The following STPG2 variants were observed in gnomAD, a reference collection of about 807,000 sequenced individuals.
STPG2 encodes the protein sperm-tail PG-rich repeat-containing protein 2.
A neutral mutation model predicts 54.2 loss-of-function variants in STPG2; 56 were observed. That is an observed-to-expected ratio of 1.03 (90% CI 0.83 to 1.29). The LOEUF is 1.29. STPG2 is among the 50% of genes most tolerant of loss of function. The probability of loss-of-function intolerance (pLI) is 0.00; values close to 1 mark genes in which losing one functional copy is unlikely to be tolerated. For synonymous variants in STPG2, 200 were observed against 181.8 expected (o/e 1.10, Z -0.81); for missense variants, 596 against 544.9 (o/e 1.09, Z -0.93).
At chr4:97,904,832 C>T (rs1202823218) in intron 8 of STPG2, among the ~76,000 whole-genome samples, 2 of 152,112 alleles carry the variant, frequency 1.3e-5, no homozygotes, top group Non-Finnish European at 2.9e-5. Context: ...GAAGCCGATG[C>T]AATCAACTGG....
At chr4:97,934,041 G>A (rs927634069) in intron 8 of STPG2, among the ~76,000 whole-genome samples, 3 of 152,080 alleles carry the variant, frequency 2.0e-5, no homozygotes, top group Admixed American at 6.5e-5. Context: ...TTATTTTCTT[G>A]AGCAGTGGTT....
chr4:97,561,396 C>A (rs964989926), intron 10 of STPG2, among the ~76,000 whole-genome samples: 3 of 152,056 alleles, frequency 2.0e-5, no homozygotes, highest in Non-Finnish European at 4.4e-5. Context: ...ATTTTGTAGG[C>A]TGCCTGTTCA....
chr4:97,856,142 C>T lies in STPG2; in HGVS notation c.1045-15210G>A, dbSNP rs148132425. 2.6e-3 allele frequency among the ~76,000 whole-genome samples: 403 copies of T among 152,252 alleles called. 3 individuals are homozygous for T. Among genetic ancestry groups the T allele is most frequent in the African/African-American group, 8.9e-3 (369 of 41,560 alleles). The stretch of plus-strand genomic sequence containing the variant: ...TTCTTTCTGCTTAGGATTTTCTTGG[C>T]TATTTGACCTCTTTTTTGGTTCCGT... On this transcript the variant is annotated intron_variant, in intron 8 of 10. Coordinates refer to ENST00000295268, the MANE Select transcript of STPG2 (RefSeq NM_174952.3).
At chr4:97,795,517 G>A (rs533624435) in intron 9 of STPG2, among the ~76,000 whole-genome samples, 2 of 152,312 alleles carry the variant, frequency 1.3e-5, no homozygotes, top group Middle Eastern at 3.4e-3. Flanking sequence ...CCCTACAAAG[G>A]ACATGAACTC....
At chr4:97,800,152 T>C (rs1030104508) in intron 9 of STPG2, among the ~76,000 whole-genome samples, 6 of 152,216 alleles carry the variant, frequency 3.9e-5, no homozygotes, top group African/African-American at 1.4e-4. Context: ...TCGGAGTACT[T>C]TGATCGTCTG....
At chr4:97,810,394 G>T (rs1183461315) in intron 9 of STPG2, among the ~76,000 whole-genome samples, 3 of 150,824 alleles carry the variant, frequency 2.0e-5, no homozygotes, top group Non-Finnish European at 2.9e-5. Context: ...AACCCGGGGG[G>T]CAGAGGTTGC....
intron 9 of STPG2, among the ~76,000 whole-genome samples, chr4:97,718,052 G>A (rs985685828): frequency 3.3e-5 from 5 of 152,086 alleles, no homozygotes; most frequent in Admixed American, 3.3e-4. Context: ...ACATATATTT[G>A]AAGTTCCCTT....
chr4:97,577,248 C>A (rs560707095), intron 10 of STPG2, among the ~76,000 whole-genome samples: 1 of 152,190 alleles, frequency 6.6e-6, no homozygotes, highest in South Asian at 2.1e-4. Flanking sequence ...GGGTATACAG[C>A]CAAAGGAAAA....
At chr4:97,766,024 AG>A (rs892737006) in intron 9 of STPG2, among the ~76,000 whole-genome samples, 2 of 152,132 alleles carry the variant, frequency 1.3e-5, no homozygotes, top group Admixed American at 6.5e-5. Flanking sequence ...TGGAAGTTGT[AG>A]GATGCTTTAA....
intron 7 of STPG2, among the ~76,000 whole-genome samples, chr4:97,948,331 T>G (rs1733328072): frequency 6.6e-6 from 1 of 152,118 alleles, no homozygotes; most frequent in Non-Finnish European, 1.5e-5. Flanking sequence ...TTAATCTAGC[T>G]AAAGTTATAT....
chr4:97,971,069 G>A (rs1175741802), intron 7 of STPG2, among the ~76,000 whole-genome samples: 8 of 152,158 alleles, frequency 5.3e-5, no homozygotes, highest in African/African-American at 7.2e-5. Flanking sequence ...ATCATCACTG[G>A]TCATCAGAGA....
At chr4:97,702,851 C>A (rs114932541) in intron 10 of STPG2, among the ~76,000 whole-genome samples, 1 of 152,078 alleles carries the variant, frequency 6.6e-6, no homozygotes, top group Non-Finnish European at 1.5e-5. Context: ...CTGCACCTTT[C>A]GTTGCACGTC....
intron 8 of STPG2, among the ~76,000 whole-genome samples, chr4:97,856,000 T>C (rs1729322495): frequency 6.6e-6 from 1 of 152,048 alleles, no homozygotes; most frequent in Non-Finnish European, 1.5e-5. Context: ...ACTTCTGAGT[T>C]CTCTATTCTG....
chr4:97,529,558 T>C (rs1023326533), intron 4 of STPG2, among the ~76,000 whole-genome samples: 5 of 152,154 alleles, frequency 3.3e-5, no homozygotes, highest in Admixed American at 1.3e-4. Context: ...GCAGGAATGG[T>C]AGCATCTCCT....
At chr4:98,054,811 G>A (rs1737431385) in intron 5 of STPG2, among the ~76,000 whole-genome samples, 1 of 152,112 alleles carries the variant, frequency 6.6e-6, no homozygotes, top group Non-Finnish European at 1.5e-5. Context: ...GCCATAAAAT[G>A]ACTGAAACAT....
At chr4:97,609,030 A>G (rs1198387427) in intron 10 of STPG2, among the ~76,000 whole-genome samples, 6 of 152,072 alleles carry the variant, frequency 3.9e-5, no homozygotes, top group Non-Finnish European at 8.8e-5. Flanking sequence ...GTTTGCAAAT[A>G]TGAAATGATT....
At position 97,972,391 on chromosome 4, in the gene STPG2, TCTAA is replaced by T. The variant is rs762498596; in HGVS notation, c.818_821del (p.Val273GlufsTer55). On this transcript the variant is annotated frameshift_variant, in exon 7 of 11. Transcript: ENST00000295268. LOFTEE classifies it high-confidence loss of function. ...TCTTCTGTTTCTTTGAGCAGATATT[TCTAA>T]CACTGGCAATTATAGTATTGTTCAA... 1 of 1,605,984 alleles carries T rather than the reference TCTAA, an allele frequency of 6.2e-7. No individual in the cohort carries two copies. Among genetic ancestry groups the T allele is most frequent in the South Asian group, 1.1e-5 (1 of 89,930 alleles).
At chr4:98,022,251 G>A (rs971185810) in intron 5 of STPG2, among the ~76,000 whole-genome samples, 14 of 151,854 alleles carry the variant, frequency 9.2e-5, no homozygotes, top group African/African-American at 3.4e-4. Flanking sequence ...TGTCTGTAAA[G>A]TATTTTATTT....
intron 4 of STPG2, among the ~76,000 whole-genome samples, chr4:97,497,297 C>T (rs536355222): frequency 5.9e-5 from 9 of 151,772 alleles, no homozygotes; most frequent in African/African-American, 2.2e-4. Context: ...AATCATTTCA[C>T]TATAATGTGT....
Sources: gnomAD v4.1 joint callset for allele counts (sites outside exome capture counted in the v4.1 genomes callset) on GRCh38, gnomAD v4.1.1 for gene constraint, MANE v1.5 for transcripts, NCBI Gene and HGNC (gene_info 2026-07-23, HGNC 2026-07-21) for gene names.